Variants in PPP2R5E observed in about 807,000 individuals in gnomAD.
The protein encoded by PPP2R5E is protein phosphatase 2 regulatory subunit B'epsilon, also known as serine/threonine-protein phosphatase 2A 56 kDa regulatory subunit epsilon isoform.
Under a neutral mutation model 65.3 loss-of-function variants are expected in PPP2R5E, and 4 were observed. The observed-to-expected ratio is 0.06, with a 90% CI of 0.03 to 0.14. PPP2R5E has a LOEUF of 0.14. Among genes scored for constraint, PPP2R5E ranks in the 10% least tolerant of loss-of-function variants. The pLI is 1.00. For missense variants in PPP2R5E, 274 were observed against 556.1 expected (o/e 0.49, Z 5.10); for synonymous variants, 183 against 187.4 (o/e 0.98, Z 0.19).
chr14:63,519,507 A>ATTTTTTTTT (rs557285871), intron 2 of PPP2R5E, among the ~76,000 whole-genome samples: 1 of 124,326 alleles, frequency 8.0e-6, no homozygotes, highest in African/African-American at 3.3e-5. Context: ...TGCCCAGCTA[A>ATTTTTTTTT]TTTTTTTTTT....
chr14:63,479,003 C>G (rs1252439272), intron 2 of PPP2R5E, among the ~76,000 whole-genome samples: 1 of 152,064 alleles, frequency 6.6e-6, no homozygotes, highest in Non-Finnish European at 1.5e-5. Context: ...GTGGTGGACG[C>G]CTGTAGTCCC....
intron 2 of PPP2R5E, among the ~76,000 whole-genome samples, chr14:63,463,493 A>G (rs1889608107): frequency 6.6e-6 from 1 of 152,040 alleles, no homozygotes. Context: ...GAAAGAACCT[A>G]ACCAAAAAAA....
intron 2 of PPP2R5E, among the ~76,000 whole-genome samples, chr14:63,526,944 C>T (rs551625556): frequency 5.5e-4 from 84 of 152,316 alleles, no homozygotes; most frequent in Non-Finnish European, 1.1e-3. Context: ...CCAAGGCGGG[C>T]GGATCACCTG....
chr14:63,374,634 G>GATTTTATATATATATATATATATAT lies in PPP2R5E; in HGVS notation c.*1374_*1375insATATATATATATATATATATAAAAT, dbSNP rs1555353678. On this transcript the variant is annotated 3_prime_UTR_variant, in exon 14 of 14. Transcript: ENST00000337537. Reference sequence around the variant, plus strand: ...TAAATACAAAGCAGAGAGCCAATAAGATATATATATATATATATATATATA... The same window carrying GATTTTATATATATATATATATATAT: ...TAAATACAAAGCAGAGAGCCAATAAGATTTTATATATATATATATATATATATATATATATATATATATATATATA... The GATTTTATATATATATATATATATAT allele has an allele frequency of 2.7e-5, 3 of 109,574 alleles. No homozygotes were observed. Among genetic ancestry groups the GATTTTATATATATATATATATATAT allele is most frequent in the African/African-American group, 1.5e-4 (3 of 20,674 alleles). The allele number at this position is 109,574 out of a possible 1,614,324, so 6.8% of individuals were successfully genotyped here. A position where few individuals can be genotyped will look rare whatever the true frequency, so the allele number is the denominator to read the frequency against.
chr14:63,499,926 G>GT (rs1341700769), intron 2 of PPP2R5E, among the ~76,000 whole-genome samples: 1 of 152,120 alleles, frequency 6.6e-6, no homozygotes, highest in Non-Finnish European at 1.5e-5. Flanking sequence ...AATATCTCCA[G>GT]TTTTTTGTCT....
intron 3 of PPP2R5E, among the ~76,000 whole-genome samples, chr14:63,427,603 G>A (rs2139907548): frequency 6.6e-6 from 1 of 152,068 alleles, no homozygotes; most frequent in South Asian, 2.1e-4. Flanking sequence ...GACATAGCAA[G>A]ACCCCCATCT....
chr14:63,430,379 ATACATACATACATACATACATG>A (rs1451133857), intron 3 of PPP2R5E, among the ~76,000 whole-genome samples: 19 of 132,118 alleles, frequency 1.4e-4, no homozygotes, highest in East Asian at 1.0e-3. Context: ...ACATGCATGC[ATACATACATACATACATACATG>A]CATACATACA....
intron 1 of PPP2R5E, 126 bp downstream of exon 1, chr14:63,542,648 GCACCC>G (rs1201225523): frequency 6.6e-6 from 1 of 152,456 alleles, no homozygotes; most frequent in Non-Finnish European, 1.5e-5. Flanking sequence ...TCCCGCTCCC[GCACCC>G]CACCCCACCG....
intron 3 of PPP2R5E, among the ~76,000 whole-genome samples, chr14:63,423,191 G>T (rs999046387): frequency 4.6e-5 from 7 of 152,180 alleles, no homozygotes; most frequent in Non-Finnish European, 1.0e-4. Flanking sequence ...TGCCTCCCAG[G>T]TTCAAGTGAC....
chr14:63,509,192 T>C (rs1158691425), intron 2 of PPP2R5E, among the ~76,000 whole-genome samples: 5 of 151,652 alleles, frequency 3.3e-5, no homozygotes, highest in African/African-American at 1.2e-4. Flanking sequence ...TTGGGACTCA[T>C]ACCCCAGTTG....
chr14:63,413,756 T>C (rs554308283), intron 5 of PPP2R5E, among the ~76,000 whole-genome samples: 23 of 152,296 alleles, frequency 1.5e-4, no homozygotes, highest in African/African-American at 4.1e-4. Context: ...CCATACCAAT[T>C]TACCTATTTA....
In PPP2R5E at chr14:63,373,773, A is replaced by G. The variant is rs530230807; in HGVS notation, c.*2236T>C. The G allele has an allele frequency of 5.9e-5, 9 of 152,272 alleles. No homozygotes were observed. The highest frequency in any genetic ancestry group is 5.2e-4 in the Admixed American group (8 of 15,298). The allele number at this position is 152,272 out of a possible 1,614,324, so 9.4% of individuals were successfully genotyped here. On this transcript the variant is annotated 3_prime_UTR_variant, in exon 14 of 14. Coordinates refer to ENST00000337537, the MANE Select transcript of PPP2R5E (RefSeq NM_006246.5). ...AGCAGAGATTCTTCATAAACCTGTG[A>G]TTTTAATGTCTTCTACCTAAAAAGA...
chr14:63,498,615 T>C (rs527709203), intron 2 of PPP2R5E, among the ~76,000 whole-genome samples: 2 of 152,144 alleles, frequency 1.3e-5, no homozygotes, highest in African/African-American at 4.8e-5. Flanking sequence ...TGGAGCGAGA[T>C]GGCACAAACA....
intron 13 of PPP2R5E, among the ~76,000 whole-genome samples, chr14:63,379,038 T>C (rs1884157549): frequency 6.6e-6 from 1 of 152,086 alleles, no homozygotes; most frequent in Non-Finnish European, 1.5e-5. Flanking sequence ...TTTCTTTTTT[T>C]TTTTTTTCGA....
chr14:63,516,211 C>A (rs979872118), intron 2 of PPP2R5E, among the ~76,000 whole-genome samples: 1 of 152,112 alleles, frequency 6.6e-6, no homozygotes, highest in Non-Finnish European at 1.5e-5. Flanking sequence ...AATACATTTT[C>A]TTATCTCAAC....
chr14:63,484,347 TCACACACACA>T (rs199749451), intron 2 of PPP2R5E, among the ~76,000 whole-genome samples: 33 of 139,592 alleles, frequency 2.4e-4, no homozygotes, highest in Admixed American at 5.0e-4. Context: ...TCTCTCTCTC[TCACACACACA>T]CACACACACA....
At chr14:63,469,813 A>G (rs1890026646) in intron 2 of PPP2R5E, among the ~76,000 whole-genome samples, 1 of 152,182 alleles carries the variant, frequency 6.6e-6, no homozygotes, top group South Asian at 2.1e-4. Flanking sequence ...TCCCATTAAA[A>G]TCTTACAAAA....
chr14:63,377,900 T>G (rs1466138223), intron 13 of PPP2R5E, among the ~76,000 whole-genome samples: 1 of 152,228 alleles, frequency 6.6e-6, no homozygotes, highest in Admixed American at 6.5e-5. Flanking sequence ...AGGGTCTCAT[T>G]CTGTTGCTCA....
chr14:63,509,710 A>G (rs1267378332), intron 2 of PPP2R5E, among the ~76,000 whole-genome samples: 1 of 152,172 alleles, frequency 6.6e-6, no homozygotes, highest in Non-Finnish European at 1.5e-5. Flanking sequence ...CTGCAAATGG[A>G]GTCAATGCCT....
Sources: gnomAD v4.1 joint callset for allele counts (sites outside exome capture counted in the v4.1 genomes callset) on GRCh38, gnomAD v4.1.1 for gene constraint, MANE v1.5 for transcripts, NCBI Gene and HGNC (gene_info 2026-07-23, HGNC 2026-07-21) for gene names.